Variants in UGT2B17 observed in about 807,000 individuals in gnomAD.
The protein encoded by UGT2B17 is UDP-glucuronosyltransferase 2B17.
Under a neutral mutation model 48.2 loss-of-function variants are expected in UGT2B17, and 21 were observed. The observed-to-expected ratio is 0.44, with a 90% CI of 0.31 to 0.63. The LOEUF is 0.63. UGT2B17 is among the 20% of genes least tolerant of loss of function. UGT2B17 has a pLI of 0.08. For missense variants in UGT2B17, 402 were observed against 696.1 expected, an observed-to-expected ratio of 0.58 and a Z score of 4.75; for synonymous variants, 146 against 238.4, an observed-to-expected ratio of 0.61 and a Z score of 3.57.
chr4:68,542,991 C>A lies in UGT2B17; in HGVS notation c.1314-5087G>T, dbSNP rs1314373985. Among the ~76,000 whole-genome samples the A allele has an allele frequency of 9.5e-5, 12 of 126,620 alleles. 5 individuals carry two copies. The highest frequency in any genetic ancestry group is 2.0e-4 in the Non-Finnish European group (12 of 59,580). 83.1% of individuals were successfully genotyped at this position (126,620 alleles called of 152,430 possible). ...ACCGCAGCTCAAGGACGCCTGCCTG[C>A]CTCTGTAGATCCACCTCTGGGGGCA... On this transcript the variant is annotated intron_variant, in intron 6 of 6. Transcript: ENST00000317746.
chr4:68,537,729 A>G lies in UGT2B17; in HGVS notation c.1489T>C (p.Phe497Leu). Residue 497 changes from phenylalanine (F) to leucine (L), a missense_variant, in exon 7 of 7, where the codon TTC (phenylalanine) becomes CTC (leucine). Phe to Leu is a conservative substitution (Grantham distance 22). This residue lies in a region of UGT2B17 where 156 missense variants were observed against 258.6 expected (regional missense o/e 0.60). Transcript: ENST00000317746. ...ATAGTTGCCACGCAGGCCAGCAGGA[A>G]TGCTATCACATCCAAAGAGTGGTAC... The part of the protein sequence containing the change: ...IQYHSLDVIA[F>L]LLACVATMIF... 7.2e-7 allele frequency: 1 copy of G among 1,379,452 alleles called. No homozygotes were observed. Among genetic ancestry groups the G allele is most frequent in the African/African-American group, 1.5e-5 (1 of 67,992 alleles). 85.5% of individuals were successfully genotyped at this position (1,379,452 alleles called of 1,614,324 possible).
In UGT2B17 at chr4:68,567,905, A is replaced by AG. The variant is rs1193407090; in HGVS notation, c.579dup (p.Tyr194LeufsTer11). 2 of 1,380,230 alleles carry AG rather than the reference A, an allele frequency of 1.4e-6. 1 individual carries two copies. Among genetic ancestry groups the AG allele is most frequent in the Non-Finnish European group, 1.9e-6 (2 of 1,054,940 alleles). 85.5% of individuals were successfully genotyped at this position (1,380,230 alleles called of 1,614,324 possible). A position where few individuals can be genotyped will look rare whatever the true frequency, so the allele number is the denominator to read the frequency against. The stretch of plus-strand genomic sequence containing the variant: ...AATTCTGACATAACAACAGGTACAT[A>AG]GGAAGGAGGGAACAGAAATCCTCCA... On this transcript the variant is annotated frameshift_variant, in exon 2 of 7. Coordinates refer to ENST00000317746, the MANE Select transcript of UGT2B17 (RefSeq NM_001077.4). LOFTEE classifies it high-confidence loss of function.
At chr4:68,569,966 G>A (rs1441083072) in intron 1 of UGT2B17, among the ~76,000 whole-genome samples, 2 of 125,894 alleles carry the variant, frequency 1.6e-5, no homozygotes, top group African/African-American at 5.4e-5. Flanking sequence ...AAACCTGGGT[G>A]GGGCTCAGGT....
In UGT2B17 at chr4:68,541,321, CT is replaced by C. The variant is rs1184825090; in HGVS notation, c.1314-3418del. ...TTCACCAGCATCTGTTGTTTTTTGA[CT>C]TTTTAATCATCTCCATTCTGACTGG... On this transcript the variant is annotated intron_variant, in intron 6 of 6. Coordinates refer to ENST00000317746, the MANE Select transcript of UGT2B17 (RefSeq NM_001077.4). Among the ~76,000 whole-genome samples the C allele has an allele frequency of 8.7e-5, 11 of 126,220 alleles. 4 individuals carry two copies. The South Asian group carries it at 4.1e-3, about 47-fold the overall frequency. The allele number at this position is 126,220 out of a possible 152,430, so 82.8% of individuals were successfully genotyped here.
rs1226939611 is a variant in UGT2B17, at chr4:68,564,296, T to TA, written c.873+1275_873+1276insT. Among the ~76,000 whole-genome samples, 860 of 93,750 alleles carry TA rather than the reference T, an allele frequency of 9.2e-3. 72 individuals are homozygous for TA. The highest frequency in any genetic ancestry group is 0.047 in the African/African-American group (810 of 17,240). The allele number at this position is 93,750 out of a possible 152,430, so 61.5% of individuals were successfully genotyped here. On this transcript the variant is annotated intron_variant, in intron 3 of 6. Coordinates refer to ENST00000317746, the MANE Select transcript of UGT2B17 (RefSeq NM_001077.4). ...TTCATATATATATATATATATATAT[T>TA]TTTTTTTTTTGAGACAGAGTCTCAC...
intron 6 of UGT2B17, among the ~76,000 whole-genome samples, chr4:68,547,848 GAGAA>G (rs1414767428): frequency 7.9e-6 from 1 of 126,754 alleles, no homozygotes; most frequent in Non-Finnish European, 1.7e-5. Flanking sequence ...CTGGCCATCA[GAGAA>G]ATGCAAATCA....
At chr4:68,542,627 C>G (rs1730690017) in intron 6 of UGT2B17, among the ~76,000 whole-genome samples, 1 of 126,084 alleles carries the variant, frequency 7.9e-6, no homozygotes, top group Admixed American at 8.1e-5. Flanking sequence ...ACGTGTGAGC[C>G]AAAGCATGGC....
chr4:68,555,816 G>A lies in UGT2B17; in HGVS notation c.1006-3905C>T, dbSNP rs574693995. Among the ~76,000 whole-genome samples the A allele has an allele frequency of 4.8e-5, 6 of 124,428 alleles. 1 individual carries two copies. Among genetic ancestry groups the A allele is most frequent in the Non-Finnish European group, 1.0e-4 (6 of 58,824 alleles). 81.6% of individuals were successfully genotyped at this position (124,428 alleles called of 152,430 possible). ...AAAAAAGTGCATCTTTTTTAAAAAG[G>A]TGAAGAAGTGTTGTCTAATTCAAAG... is the stretch of plus-strand genomic sequence containing the variant. On this transcript the variant is annotated intron_variant, in intron 4 of 6. Coordinates refer to ENST00000317746, the MANE Select transcript of UGT2B17 (RefSeq NM_001077.4).
Position 68,553,000 on chromosome 4 carries a change from A to T in UGT2B17, c.1006-1089T>A. Among the ~76,000 whole-genome samples the T allele has an allele frequency of 1.6e-5, 2 of 125,454 alleles. 1 individual carries two copies. The highest frequency in any genetic ancestry group is 3.4e-5 in the Non-Finnish European group (2 of 59,362). The allele number at this position is 125,454 out of a possible 152,430, so 82.3% of individuals were successfully genotyped here. On this transcript the variant is annotated intron_variant, in intron 4 of 6. Transcript: ENST00000317746. ...TCCTACTTCTAGGACGACAGAGGGCAGTTTTAGCCTGAAACCCATCCGTAG... is the reference window on the plus strand; with the variant it reads ...TCCTACTTCTAGGACGACAGAGGGCTGTTTTAGCCTGAAACCCATCCGTAG...
In UGT2B17 at chr4:68,537,454, C is replaced by T; in HGVS notation, c.*171G>A. On this transcript the variant is annotated 3_prime_UTR_variant, in exon 7 of 7. Transcript: ENST00000317746. Reference sequence around the variant, plus strand: ...TAAAAATCATTGACATAGAATAATTCCAACTAAAGTACATATTAAATTCCT... The same window carrying T: ...TAAAAATCATTGACATAGAATAATTTCAACTAAAGTACATATTAAATTCCT... 1.9e-6 allele frequency: 1 copy of T among 517,074 alleles called. No individual in the cohort carries two copies. The allele number at this position is 517,074 out of a possible 1,614,324, so 32.0% of individuals were successfully genotyped here.
Position 68,570,975 on chromosome 4 carries a change from C to T in UGT2B17, c.-64-2427G>A, listed in dbSNP as rs561855932. On this transcript the variant is annotated intron_variant, in intron 1 of 6. Coordinates refer to ENST00000317746, the MANE Select transcript of UGT2B17 (RefSeq NM_001077.4). The stretch of plus-strand genomic sequence containing the variant: ...TTTTCACAAACTCCTCCTTCAGCTG[C>T]TAGCAAGTAGTCAAGAGCTAGTCTA... Among the ~76,000 whole-genome samples the T allele has an allele frequency of 8.6e-4, 109 of 126,310 alleles. 29 individuals are homozygous for T. Among genetic ancestry groups the T allele is most frequent in the Non-Finnish European group, 1.4e-3 (85 of 59,596 alleles). 82.9% of individuals were successfully genotyped at this position (126,310 alleles called of 152,430 possible).
chr4:68,539,909 C>T lies in UGT2B17; in HGVS notation c.1314-2005G>A, dbSNP rs774788337. ...AAGTGATTCTCATGCCTCAACCTCC[C>T]AAGTGTCTGGGACTACAGGTGCTCA... On this transcript the variant is annotated intron_variant, in intron 6 of 6. Transcript: ENST00000317746. 1.7e-5 allele frequency among the ~76,000 whole-genome samples: 2 copies of T among 119,386 alleles called. 1 individual carries two copies. Among genetic ancestry groups the T allele is most frequent in the Non-Finnish European group, 3.5e-5 (2 of 57,474 alleles). The allele number at this position is 119,386 out of a possible 152,430, so 78.3% of individuals were successfully genotyped here.
intron 6 of UGT2B17, among the ~76,000 whole-genome samples, chr4:68,543,603 G>A (rs1730729517): frequency 8.0e-6 from 1 of 125,730 alleles, no homozygotes; most frequent in Non-Finnish European, 1.7e-5. Context: ...GACGAGTTCA[G>A]AGAAGAAGGC....
Position 68,550,528 on chromosome 4 carries a change from T to C in UGT2B17, c.1313+149A>G. 9 of 580,018 alleles carry C rather than the reference T, an allele frequency of 1.6e-5. 1 individual carries two copies. Among genetic ancestry groups the C allele is most frequent in the Non-Finnish European group, 2.2e-5 (9 of 405,190 alleles). The allele number at this position is 580,018 out of a possible 1,614,324, so 35.9% of individuals were successfully genotyped here. A position where few individuals can be genotyped will look rare whatever the true frequency, so the allele number is the denominator to read the frequency against. On this transcript the variant is annotated intron_variant, in intron 6 of 6. Transcript: ENST00000317746. ...GGTTGAAATGTAACTTTGAAATAATTGTCTGGTGGAAAATAAGAGCAGATT... is the reference window on the plus strand; with the variant it reads ...GGTTGAAATGTAACTTTGAAATAATCGTCTGGTGGAAAATAAGAGCAGATT...
intron 3 of UGT2B17, among the ~76,000 whole-genome samples, chr4:68,564,676 A>G (rs1366109330): frequency 8.0e-6 from 1 of 124,508 alleles, no homozygotes; most frequent in African/African-American, 2.8e-5. Flanking sequence ...TTTCTGCCTT[A>G]ATGCAAGACT....
rs747684492 is a variant in UGT2B17, at chr4:68,539,188, A to G, written c.1314-1284T>C. Among the ~76,000 whole-genome samples, 3 of 126,284 alleles carry G rather than the reference A, an allele frequency of 2.4e-5. 1 individual carries two copies. Among genetic ancestry groups the G allele is most frequent in the Non-Finnish European group, 5.0e-5 (3 of 59,588 alleles). The allele number at this position is 126,284 out of a possible 152,430, so 82.8% of individuals were successfully genotyped here. On this transcript the variant is annotated intron_variant, in intron 6 of 6. Transcript: ENST00000317746. ...ATCTTAAACATTATCCAAAAGTGAA[A>G]ACACCAATTTATCACAAACTGCATA...
chr4:68,567,406 A>G (rs1362409883), intron 2 of UGT2B17, among the ~76,000 whole-genome samples: 2 of 126,818 alleles, frequency 1.6e-5, no homozygotes, highest in Non-Finnish European at 3.3e-5. Context: ...AATATGTGTA[A>G]ATATAAAATT....
In UGT2B17 at chr4:68,538,240, G is replaced by GT. The variant is rs1225499391; in HGVS notation, c.1314-337dup. 6.6e-4 allele frequency among the ~76,000 whole-genome samples: 11 copies of GT among 16,700 alleles called. 1 individual carries two copies. The highest frequency in any genetic ancestry group is 1.0e-3 in the Non-Finnish European group (1 of 996). 11.0% of individuals were successfully genotyped at this position (16,700 alleles called of 152,430 possible). A position where few individuals can be genotyped will look rare whatever the true frequency, so the allele number is the denominator to read the frequency against. ...GGGAATGATCATTTTGATATTTTTA[G>GT]TTTTTTTTTTTTTTGAGACAGGCTT... On this transcript the variant is annotated intron_variant, in intron 6 of 6. Transcript: ENST00000317746.
At position 68,564,577 on chromosome 4, in the gene UGT2B17, C is replaced by T. The variant is rs1206349969; in HGVS notation, c.873+995G>A. On this transcript the variant is annotated intron_variant, in intron 3 of 6. Transcript: ENST00000317746. ...GTGCTGGGATTACAGGTGTAAGCCA[C>T]CACGCCCGGCCCATCATTGACTTTT... Among the ~76,000 whole-genome samples the T allele has an allele frequency of 1.6e-5, 2 of 125,034 alleles. 1 individual carries two copies. Among genetic ancestry groups the T allele is most frequent in the Non-Finnish European group, 3.4e-5 (2 of 59,268 alleles). 82.0% of individuals were successfully genotyped at this position (125,034 alleles called of 152,430 possible). A position where few individuals can be genotyped will look rare whatever the true frequency, so the allele number is the denominator to read the frequency against.
Sources: gnomAD v4.1 joint callset for allele counts (sites outside exome capture counted in the v4.1 genomes callset) on GRCh38, gnomAD v4.1.1 for gene constraint, gnomAD v4.1.1 regional missense constraint, MANE v1.5 for transcripts, NCBI Gene and HGNC (gene_info 2026-07-23, HGNC 2026-07-21) for gene names.